Variants in CCSER2 observed in about 807,000 individuals in gnomAD.
CCSER2 encodes serine-rich coiled-coil domain-containing protein 2.
In CCSER2, 46 loss-of-function variants were observed where a neutral mutation model predicts 92.3. That is an observed-to-expected ratio of 0.50 (90% confidence interval 0.39 to 0.64). The LOEUF is 0.64. Ranked by LOEUF, CCSER2 falls within the 30% of genes least tolerant of loss-of-function variation. CCSER2 has a pLI of 0.00. For missense variants in CCSER2, 1,244 were observed against 1,238.9 expected (o/e 1.00, Z -0.06); for synonymous variants, 433 against 431.4 (o/e 1.00, Z -0.04).
chr10:84,389,137 T>C (rs1287378038), intron 3 of CCSER2: 2 of 236,050 alleles, frequency 8.5e-6, no homozygotes, highest in African/African-American at 4.7e-5. Flanking sequence ...AAATGATCCT[T>C]TATTGAAATA....
At chr10:84,457,599 T>A (rs1311987799) in intron 6 of CCSER2, among the ~76,000 whole-genome samples, 2 of 116,786 alleles carry the variant, frequency 1.7e-5, no homozygotes, top group African/African-American at 6.6e-5. Flanking sequence ...AATTATATAT[T>A]TATATATTAT....
Position 84,513,920 on chromosome 10 carries a change from C to T in CCSER2, c.2797C>T (p.Pro933Ser). The T allele has an allele frequency of 6.5e-7, 1 of 1,536,538 alleles. No individual in the cohort carries two copies. The highest frequency in any genetic ancestry group is 1.2e-5 in the South Asian group (1 of 84,066). The change falls in exon 10 of 10, where the codon CCG becomes TCG. Residue 933 changes from proline (P) to serine (S), a missense_variant. Pro to Ser is a moderately conservative substitution (Grantham distance 74). Transcript: ENST00000372088. ...LKPSILSSLVPPPVSESSPSR... is the reference protein window; with the variant it reads ...LKPSILSSLVSPPVSESSPSR... ...GCCATCCATATTGAGTTCTTTGGTA[C>T]CGCCTCCAGTTTCTGAATCATCTCC...
rs191728109 is a variant in CCSER2 at position 84,485,736 on chromosome 10, C to G, written c.2325+8072C>G. Among the ~76,000 whole-genome samples the G allele has an allele frequency of 2.7e-3, 411 of 152,176 alleles. 3 individuals are homozygous for G. The highest frequency in any genetic ancestry group is 9.1e-3 in the African/African-American group (378 of 41,524). ...TTTTCAGTTTTCAGAACACAGTTCA[C>G]TACATGCTTTTTTAATTATTATTAT... On this transcript the variant is annotated intron_variant, in intron 9 of 9. Transcript: ENST00000372088.
At chr10:84,347,461 AC>A (rs1216274444) in intron 1 of CCSER2, among the ~76,000 whole-genome samples, 19 of 118,890 alleles carry the variant, frequency 1.6e-4, no homozygotes, top group African/African-American at 6.3e-4. Flanking sequence ...GCGGGGGCTG[AC>A]CCCCCACCTC....
Position 84,371,261 on chromosome 10 carries a change from A to G in CCSER2, c.209A>G (p.Asn70Ser), listed in dbSNP as rs1398504986. ...SSHSFNWRKA[N>S]KYQLCAQGVE... ...CATTCATTTAATTGGAGGAAAGCAA[A>G]TAAATATCAGCTTTGTGCACAAGGT... Residue 70 changes from asparagine to serine, a missense_variant, in exon 2 of 10, where the codon AAT becomes AGT. Physicochemically the swap from Asn to Ser is conservative, Grantham distance 46 (BLOSUM62 1). Coordinates refer to ENST00000372088, the MANE Select transcript of CCSER2 (RefSeq NM_001284240.2). The G allele has an allele frequency of 6.2e-7, 1 of 1,613,038 alleles. No individual in the cohort carries two copies. The highest frequency in any genetic ancestry group is 1.3e-5 in the African/African-American group (1 of 74,888).
intron 6 of CCSER2, among the ~76,000 whole-genome samples, chr10:84,441,857 C>T (rs200984109): frequency 4.1e-5 from 6 of 145,880 alleles, no homozygotes; most frequent in Admixed American, 7.1e-5. Flanking sequence ...CCTGGGTTCA[C>T]GCCATTCTCC....
intron 6 of CCSER2, chr10:84,455,827 A>G (rs993434263): frequency 2.5e-5 from 21 of 832,742 alleles, no homozygotes; most frequent in Non-Finnish European, 3.2e-5. Flanking sequence ...ATCCATAATT[A>G]CTGGTTTTCA....
chr10:84,380,343 A>G (rs558108278), intron 3 of CCSER2, among the ~76,000 whole-genome samples: 36 of 152,174 alleles, frequency 2.4e-4, no homozygotes, highest in African/African-American at 8.7e-4. Context: ...TCTTATTGAT[A>G]TGGAAGAGTT....
chr10:84,455,829 T>G (rs1026199559), intron 6 of CCSER2: 1 of 833,932 alleles, frequency 1.2e-6, no homozygotes, highest in African/African-American at 1.7e-5. Flanking sequence ...CCATAATTAC[T>G]GGTTTTCACT....
At chr10:84,507,648 T>C (rs1287019511) in intron 9 of CCSER2, among the ~76,000 whole-genome samples, 2 of 152,234 alleles carry the variant, frequency 1.3e-5, no homozygotes, top group Non-Finnish European at 2.9e-5. Context: ...ACATTTTAGC[T>C]GCCATCTTTT....
intron 5 of CCSER2, among the ~76,000 whole-genome samples, chr10:84,437,346 C>A (rs569631473): frequency 6.6e-6 from 1 of 152,180 alleles, no homozygotes; most frequent in East Asian, 1.9e-4. Flanking sequence ...TGGTGAAACC[C>A]CCTCTCTACA....
chr10:84,346,430 A>C (rs1171213082), intron 1 of CCSER2, among the ~76,000 whole-genome samples: 2 of 152,170 alleles, frequency 1.3e-5, no homozygotes, highest in Admixed American at 1.3e-4. Flanking sequence ...CTTGTCTTCA[A>C]GGAGGTCTCA....
intron 9 of CCSER2, among the ~76,000 whole-genome samples, chr10:84,477,973 A>T (rs1847251914): frequency 6.6e-6 from 1 of 152,206 alleles, no homozygotes; most frequent in Non-Finnish European, 1.5e-5. Context: ...CTTAAAGGAA[A>T]TAGCAGTCCT....
chr10:84,451,172 G>C (rs1845259817), intron 6 of CCSER2, among the ~76,000 whole-genome samples: 1 of 148,806 alleles, frequency 6.7e-6, no homozygotes, highest in African/African-American at 2.5e-5. Context: ...CAATGAAAGA[G>C]AATAGGAAAC....
At chr10:84,372,575 G>A (rs1484286115) in intron 2 of CCSER2, 106 bp downstream of exon 2, 20 of 744,982 alleles carry the variant, frequency 2.7e-5, no homozygotes, top group Non-Finnish European at 3.6e-5. Context: ...TCAGTTTCAC[G>A]GAGGGATAGA....
intron 4 of CCSER2, among the ~76,000 whole-genome samples, chr10:84,419,858 G>A (rs574251835): frequency 6.6e-6 from 1 of 152,188 alleles, no homozygotes; most frequent in Non-Finnish European, 1.5e-5. Flanking sequence ...GTAAATGACA[G>A]AAAGCATCAC....
At chr10:84,466,759 C>T (rs1311721924) in intron 7 of CCSER2, among the ~76,000 whole-genome samples, 2 of 151,896 alleles carry the variant, frequency 1.3e-5, no homozygotes, top group East Asian at 1.9e-4. Context: ...GTGATCCGTC[C>T]GCCTCGGCCT....
At chr10:84,440,983 C>T (rs539074030) in intron 6 of CCSER2, among the ~76,000 whole-genome samples, 298 of 152,334 alleles carry the variant, frequency 2.0e-3, no homozygotes, top group Non-Finnish European at 3.6e-3. Context: ...TAGCATTCTG[C>T]AGTTTCACAG....
chr10:84,442,218 T>C (rs1198208237), intron 6 of CCSER2, among the ~76,000 whole-genome samples: 1 of 152,138 alleles, frequency 6.6e-6, no homozygotes. Context: ...TCTCTTTGGC[T>C]TCTTAGTGTC....
Sources: gnomAD v4.1 joint callset for allele counts (sites outside exome capture counted in the v4.1 genomes callset) on GRCh38, gnomAD v4.1.1 for gene constraint, MANE v1.5 for transcripts, NCBI Gene and HGNC (gene_info 2026-07-23, HGNC 2026-07-21) for gene names.